PBX1: variants seen among roughly 807,000 people sequenced by gnomAD.
The protein encoded by PBX1 is PBX homeobox 1.
In PBX1, 6 loss-of-function variants were observed where a neutral mutation model predicts 53.4. That is an observed-to-expected ratio of 0.11 (90% CI 0.06 to 0.22). The LOEUF (loss-of-function observed/expected upper bound fraction) is 0.22. Among genes scored for constraint, PBX1 ranks in the 10% least tolerant of loss-of-function variants. PBX1 has a pLI of 1.00. For synonymous variants in PBX1, 204 were observed against 212.3 expected (o/e 0.96, Z 0.34); for missense variants, 251 against 551.4 (o/e 0.46, Z 5.46).
chr1:164,885,619 C>G (rs1672759528), intron 2 of PBX1, among the ~76,000 whole-genome samples: 1 of 152,196 alleles, frequency 6.6e-6, no homozygotes, highest in Non-Finnish European at 1.5e-5. Context: ...CTGGCTCCGT[C>G]TTCAAGCAAT....
Position 164,792,389 on chromosome 1 carries a change from C to CA in PBX1, c.266-103dup, listed in dbSNP as rs1668559577. On this transcript the variant is annotated intron_variant, in intron 2 of 8. Coordinates refer to ENST00000420696, the MANE Select transcript of PBX1 (RefSeq NM_002585.4). ...CTTCTATTCCTCAAATGGCATCTTG[C>CA]AAGTAACTTGGCAGCTTATGTAGCC... The CA allele has an allele frequency of 4.6e-6, 7 of 1,512,574 alleles. No individual in the cohort carries two copies. In the Admixed American group the frequency reaches 1.6e-4, roughly 34 times the overall value. 93.7% of individuals were successfully genotyped at this position (1,512,574 alleles called of 1,614,324 possible).
At chr1:164,686,032 A>G (rs1662071750) in intron 2 of PBX1, among the ~76,000 whole-genome samples, 1 of 152,146 alleles carries the variant, frequency 6.6e-6, no homozygotes, top group Non-Finnish European at 1.5e-5. Flanking sequence ...TCAGATATTT[A>G]CTATTGATGA....
intron 2 of PBX1, chr1:164,682,254 T>C (rs1661818964): frequency 1.3e-5 from 2 of 152,216 alleles, no homozygotes; most frequent in Non-Finnish European, 2.9e-5. Flanking sequence ...TTGTTCTGAA[T>C]TGGAGAGAGA....
chr1:164,842,909 C>G (rs911468503), intron 8 of PBX1, among the ~76,000 whole-genome samples: 10 of 151,702 alleles, frequency 6.6e-5, no homozygotes, highest in Non-Finnish European at 1.3e-4. Context: ...CCACCCCGCC[C>G]CCACCCACCG....
intron 2 of PBX1, among the ~76,000 whole-genome samples, chr1:164,580,949 C>G (rs953028373): frequency 1.6e-4 from 24 of 152,162 alleles, no homozygotes; most frequent in Non-Finnish European, 2.6e-4. Context: ...AGCTTGACCA[C>G]CGCTGTTGTA....
intron 2 of PBX1, among the ~76,000 whole-genome samples, chr1:164,710,967 G>A (rs1029687860): frequency 1.3e-5 from 2 of 152,210 alleles, no homozygotes; most frequent in African/African-American, 2.4e-5. Context: ...GTGAACCTTA[G>A]TCTAGCAACA....
rs572012468 is a variant in PBX1, at chr1:164,794,169, C to T, written c.510+1431C>T. ...GGATTATAGGCGTGAGCCACCACAC[C>T]TGGCCCCTTTCTTTTTAAAAGCCAA... On this transcript the variant is annotated intron_variant, in intron 3 of 8. Transcript: ENST00000420696. Among the ~76,000 whole-genome samples the T allele has an allele frequency of 4.5e-4, 68 of 152,280 alleles. 2 individuals are homozygous for T. The South Asian group carries it at 0.012, about 27-fold the overall frequency.
At chr1:164,823,237 G>T (rs370127399) in intron 8 of PBX1, among the ~76,000 whole-genome samples, 9 of 152,092 alleles carry the variant, frequency 5.9e-5, no homozygotes, top group Non-Finnish European at 4.4e-5. Context: ...TGCATTGATG[G>T]CTGACTTACT....
chr1:164,605,887 AGAGTT>A (rs1253368073), intron 2 of PBX1, among the ~76,000 whole-genome samples: 4 of 152,228 alleles, frequency 2.6e-5, no homozygotes, highest in African/African-American at 9.6e-5. Context: ...ATCAGTAGTT[AGAGTT>A]TATGTCTCAT....
intron 2 of PBX1, among the ~76,000 whole-genome samples, chr1:164,765,518 CA>C (rs1159238148): frequency 6.6e-6 from 1 of 152,200 alleles, no homozygotes; most frequent in Non-Finnish European, 1.5e-5. Flanking sequence ...AAATGACTTT[CA>C]CCTAGTAAAC....
intron 2 of PBX1, among the ~76,000 whole-genome samples, chr1:164,579,878 T>C (rs1654491639): frequency 6.6e-6 from 1 of 152,192 alleles, no homozygotes; most frequent in Admixed American, 6.5e-5. Context: ...GGTACAGCGC[T>C]ATTATTACTC....
chr1:164,705,383 C>A (rs1253523865), intron 2 of PBX1, among the ~76,000 whole-genome samples: 2 of 152,260 alleles, frequency 1.3e-5, no homozygotes, highest in Admixed American at 6.5e-5. Context: ...TATTTACTTG[C>A]AGAAATATCT....
chr1:164,716,289 T>C (rs985900350), intron 2 of PBX1, among the ~76,000 whole-genome samples: 4 of 152,060 alleles, frequency 2.6e-5, no homozygotes, highest in African/African-American at 7.2e-5. Context: ...TCATAAACAG[T>C]CACTTAAGAC....
intron 2 of PBX1, among the ~76,000 whole-genome samples, chr1:164,623,591 G>A (rs1249356247): frequency 6.6e-6 from 1 of 152,150 alleles, no homozygotes; most frequent in Non-Finnish European, 1.5e-5. Flanking sequence ...TCCTTTGACT[G>A]TGTTTCTCTG....
chr1:164,852,061 C>G (rs1291057206), downstream of PBX1, among the ~76,000 whole-genome samples: 1 of 152,160 alleles, frequency 6.6e-6, no homozygotes, highest in Non-Finnish European at 1.5e-5. Flanking sequence ...TACAGAGGGA[C>G]AGAGCACCCC....
At chr1:164,627,253 A>G (rs1258730378) in intron 2 of PBX1, among the ~76,000 whole-genome samples, 4 of 152,178 alleles carry the variant, frequency 2.6e-5, no homozygotes, top group African/African-American at 7.2e-5. Context: ...TAAAGGAAGC[A>G]TAAGTTACAG....
chr1:164,652,919 G>A (rs1659920227), intron 2 of PBX1, among the ~76,000 whole-genome samples: 1 of 151,274 alleles, frequency 6.6e-6, no homozygotes, highest in Admixed American at 6.6e-5. Context: ...GCTCAGGCTG[G>A]AGGGCAGTGG....
chr1:164,600,246 C>CTTTTTTTTTTT (rs71097539), intron 2 of PBX1, among the ~76,000 whole-genome samples: 1 of 121,818 alleles, frequency 8.2e-6, no homozygotes, highest in African/African-American at 2.9e-5. Flanking sequence ...TATGCTGCTG[C>CTTTTTTTTTTT]TTTTTTTTTT....
At chr1:164,702,246 A>C (rs983467930) in intron 2 of PBX1, among the ~76,000 whole-genome samples, 4 of 152,090 alleles carry the variant, frequency 2.6e-5, no homozygotes, top group African/African-American at 9.7e-5. Context: ...TGAACTGGGC[A>C]TGGAGAAGGC....
Sources: allele counts gnomAD v4.1 joint callset (sites outside exome capture counted in the v4.1 genomes callset), GRCh38; gene constraint gnomAD v4.1.1; transcripts MANE v1.5; gene names NCBI Gene and HGNC (gene_info 2026-07-23, HGNC 2026-07-21).